Variants in CYP2J2 observed in about 807,000 individuals in gnomAD.
CYP2J2 encodes cytochrome P450 family 2 subfamily J member 2.
CYP2J2 carries 41 observed loss-of-function variants against 48.8 expected under a neutral mutation model. That is an observed-to-expected ratio of 0.84 (90% CI 0.66 to 1.09). CYP2J2 has a LOEUF of 1.09. Among genes scored for constraint, CYP2J2 ranks in the 50% least tolerant of loss-of-function variants. The pLI is 0.00. For missense variants in CYP2J2, 644 were observed against 617.3 expected (o/e 1.04, Z -0.46); for synonymous variants, 221 against 227.1 (o/e 0.97, Z 0.24).
upstream of CYP2J2, among the ~76,000 whole-genome samples, chr1:59,927,042 C>T (rs1644573359): frequency 6.6e-6 from 1 of 152,212 alleles, no homozygotes; most frequent in African/African-American, 2.4e-5. Flanking sequence ...GGAACTGTGC[C>T]TGGTAAACAG....
chr1:59,963,517 G>T, the CYP2J2 span, among the ~76,000 whole-genome samples: 737 of 152,252 alleles, frequency 4.8e-3, 8 homozygotes, highest in African/African-American at 0.017. Flanking sequence ...GCTTATATCA[G>T]AACCTCATTC....
At chr1:59,936,459 A>G in the CYP2J2 span, among the ~76,000 whole-genome samples, 1 of 152,024 alleles carries the variant, frequency 6.6e-6, no homozygotes, top group Non-Finnish European at 1.5e-5. Context: ...TTGAATCATC[A>G]ATTATTTTGA....
rs1369737024 is a variant in CYP2J2, at chr1:59,926,689, T to C, written c.58A>G (p.Thr20Ala). ...AALWAVVHPR[T>A]LLLGTVAFLL... The stretch of plus-strand genomic sequence containing the variant: ...AAGGCGACAGTGCCCAGTAGGAGAG[T>C]CCGAGGATGGACCACTGCCCAGAGG... Residue 20 changes from threonine (T) to alanine (A), a missense_variant, in exon 1 of 9, where the codon ACT (threonine) becomes GCT (alanine). Physicochemically the swap from Thr to Ala is moderately conservative, Grantham distance 58 (BLOSUM62 0). Transcript: ENST00000371204. 6.2e-7 allele frequency: 1 copy of C among 1,613,918 alleles called. No homozygotes were observed. The highest frequency in any genetic ancestry group is 8.5e-7 in the Non-Finnish European group (1 of 1,179,954).
At chr1:59,959,051 G>C in the CYP2J2 span, among the ~76,000 whole-genome samples, 1 of 152,002 alleles carries the variant, frequency 6.6e-6, no homozygotes, top group Non-Finnish European at 1.5e-5. Flanking sequence ...TGCTCCTAAA[G>C]CCATTGCTTT....
At chr1:59,965,827 T>C in the CYP2J2 span, among the ~76,000 whole-genome samples, 1 of 152,084 alleles carries the variant, frequency 6.6e-6, no homozygotes, top group Non-Finnish European at 1.5e-5. Context: ...AATTTTTGTA[T>C]TTCTAGTAGA....
At chr1:59,904,837 C>A (rs764365660) in intron 7 of CYP2J2, 34 bp downstream of exon 7, 4 of 1,581,820 alleles carry the variant, frequency 2.5e-6, no homozygotes, top group Non-Finnish European at 3.5e-6. Context: ...TTTCTACCCC[C>A]CTAAAAGATG....
Position 59,893,954 on chromosome 1 carries a change from T to C in CYP2J2, c.1331-125A>G, listed in dbSNP as rs1644247275. 4 of 846,428 alleles carry C rather than the reference T, an allele frequency of 4.7e-6. No individual in the cohort carries two copies. In the Admixed American group the frequency reaches 1.0e-4, roughly 22 times the overall value. 52.4% of individuals were successfully genotyped at this position (846,428 alleles called of 1,614,324 possible). The stretch of plus-strand genomic sequence containing the variant: ...GGAAGGGCCTGTAGGCCCCAGGGTG[T>C]TATGGCCAGCAGCTTATTTAAGTCT... On this transcript the variant is annotated intron_variant, in intron 8 of 8. Transcript: ENST00000371204.
At chr1:59,926,484 C>A (rs1158136266) in intron 1 of CYP2J2, 53 bp downstream of exon 1, 1 of 1,505,548 alleles carries the variant, frequency 6.6e-7, no homozygotes, top group Admixed American at 1.7e-5. Context: ...GTCCCTTGTG[C>A]TGCAGAACAG....
the CYP2J2 span, among the ~76,000 whole-genome samples, chr1:59,933,402 A>C: frequency 6.6e-6 from 1 of 152,252 alleles, no homozygotes; most frequent in South Asian, 2.1e-4. Flanking sequence ...TAATCATTTT[A>C]AGTGTCAATA....
chr1:59,942,999 A>G, the CYP2J2 span, among the ~76,000 whole-genome samples: 1 of 152,166 alleles, frequency 6.6e-6, no homozygotes, highest in South Asian at 2.1e-4. Flanking sequence ...TAATGTTTCA[A>G]TTTTGGGTGG....
intron 8 of CYP2J2, among the ~76,000 whole-genome samples, chr1:59,897,177 A>C (rs1468821774): frequency 6.6e-6 from 1 of 152,206 alleles, no homozygotes; most frequent in Non-Finnish European, 1.5e-5. Flanking sequence ...ATCCATCACA[A>C]ATAGTACAAT....
At chr1:59,933,243 T>C in the CYP2J2 span, among the ~76,000 whole-genome samples, 1 of 152,044 alleles carries the variant, frequency 6.6e-6, no homozygotes, top group Non-Finnish European at 1.5e-5. Flanking sequence ...ATTGATATGC[T>C]AAGAAAGGAA....
the CYP2J2 span, among the ~76,000 whole-genome samples, chr1:59,945,187 A>AT: frequency 1.3e-5 from 2 of 152,140 alleles, no homozygotes; most frequent in African/African-American, 4.8e-5. Context: ...CTGCAATAAT[A>AT]TTATGTCGCC....
At chr1:59,911,367 A>G (rs1391695126) in intron 4 of CYP2J2, among the ~76,000 whole-genome samples, 2 of 152,202 alleles carry the variant, frequency 1.3e-5, no homozygotes, top group Non-Finnish European at 2.9e-5. Context: ...GGATAGGCGT[A>G]TGTCATATAA....
intron 4 of CYP2J2, among the ~76,000 whole-genome samples, chr1:59,910,805 C>G (rs1415487037): frequency 6.6e-6 from 1 of 152,042 alleles, no homozygotes; most frequent in African/African-American, 2.4e-5. Flanking sequence ...CAAAAAGTGT[C>G]TGAGGAACCA....
the CYP2J2 span, among the ~76,000 whole-genome samples, chr1:59,938,946 A>G: frequency 6.6e-6 from 1 of 152,222 alleles, no homozygotes. Flanking sequence ...TTGTTAACAA[A>G]GCACATCCTG....
chr1:59,909,799 A>G lies in CYP2J2; in HGVS notation c.846T>C (p.Leu282=). The part of the protein sequence containing the change: ...AETRDFIDAY[L]KEMSKHTGNP... Reference sequence around the variant, plus strand: ...GTTTTCTCACCTTTGACATTTCTTTAAGGTAAGCATCAATAAAGTCTCTTG... The same window carrying G: ...GTTTTCTCACCTTTGACATTTCTTTGAGGTAAGCATCAATAAAGTCTCTTG... Residue 282 remains leucine (L), a synonymous_variant, in exon 5 of 9, where the codon CTT becomes CTC. Transcript: ENST00000371204. The G allele has an allele frequency of 6.3e-7, 1 of 1,582,694 alleles. No individual in the cohort carries two copies. The highest frequency in any genetic ancestry group is 2.3e-5 in the East Asian group (1 of 43,682).
chr1:59,945,851 T>C, the CYP2J2 span, among the ~76,000 whole-genome samples: 1 of 152,216 alleles, frequency 6.6e-6, no homozygotes, highest in Non-Finnish European at 1.5e-5. Flanking sequence ...ATTCTTATAC[T>C]TCAAGTGTTA....
chr1:59,923,989 A>T (rs1049815079), intron 1 of CYP2J2, among the ~76,000 whole-genome samples: 1 of 152,214 alleles, frequency 6.6e-6, no homozygotes, highest in Admixed American at 6.5e-5. Context: ...TAGCACCAAG[A>T]TCTATCATAA....
Sources: gnomAD v4.1 joint callset for allele counts (sites outside exome capture counted in the v4.1 genomes callset) on GRCh38, gnomAD v4.1.1 for gene constraint, MANE v1.5 for transcripts, NCBI Gene and HGNC (gene_info 2026-07-23, HGNC 2026-07-21) for gene names.